The following SNX9 variants were observed in gnomAD, a reference collection of about 807,000 sequenced individuals.
SNX9 encodes sorting nexin 9, also known as sorting nexin-9.
Under a neutral mutation model 89.4 loss-of-function variants are expected in SNX9, and 44 were observed. That is an observed-to-expected ratio of 0.49 (90% CI 0.39 to 0.63). The LOEUF (loss-of-function observed/expected upper bound fraction) is 0.63, where lower values mean the gene tolerates loss of function less well. Among genes scored for constraint, SNX9 ranks in the 30% least tolerant of loss-of-function variants. The pLI is 0.00. For synonymous variants in SNX9, 236 were observed against 247.8 expected, an observed-to-expected ratio of 0.95 and a Z score of 0.45; for missense variants, 578 against 736.1, an observed-to-expected ratio of 0.79 and a Z score of 2.49.
chr6:157,905,848 G>A (rs1252193945), intron 6 of SNX9, among the ~76,000 whole-genome samples: 1 of 152,152 alleles, frequency 6.6e-6, no homozygotes, highest in Non-Finnish European at 1.5e-5. Context: ...CCTTCACTCT[G>A]GGGTGACCGA....
chr6:157,893,776 A>G (rs1391714596), intron 4 of SNX9, among the ~76,000 whole-genome samples: 4 of 152,192 alleles, frequency 2.6e-5, no homozygotes, highest in African/African-American at 9.6e-5. Context: ...GAAAATCAGT[A>G]TTTTAACTCA....
At chr6:157,922,507 G>A (rs901164045) in intron 10 of SNX9, among the ~76,000 whole-genome samples, 11 of 152,148 alleles carry the variant, frequency 7.2e-5, no homozygotes, top group African/African-American at 2.7e-4. Flanking sequence ...AACTTCGAGA[G>A]GTTTACTTGC....
intron 3 of SNX9, 68 bp downstream of exon 3, chr6:157,873,244 C>T (rs536857182): frequency 2.2e-6 from 3 of 1,335,246 alleles, no homozygotes; most frequent in Admixed American, 4.9e-5. Flanking sequence ...GAATTATCAA[C>T]TTACAAGAAG....
At chr6:157,942,646 C>T (rs148689068) in intron 17 of SNX9, 145 bp from the exon 18 acceptor site, 9 of 818,236 alleles carry the variant, frequency 1.1e-5, no homozygotes, top group East Asian at 2.7e-5. Context: ...CCAGCAGCAA[C>T]GCGGGGCAGG....
chr6:157,939,764 G>T (rs534387060), intron 16 of SNX9, among the ~76,000 whole-genome samples: 1 of 152,176 alleles, frequency 6.6e-6, no homozygotes, highest in East Asian at 1.9e-4. Flanking sequence ...TGTGTTTGAG[G>T]TTATCCAAAT....
At chr6:157,914,476 T>TG (rs764773071) in intron 9 of SNX9, among the ~76,000 whole-genome samples, 1,589 of 129,088 alleles carry the variant, frequency 0.012, 16 homozygotes, top group Non-Finnish European at 0.018. Context: ...TTTCTTTTTT[T>TG]TTTTTTTTTT....
intron 1 of SNX9, among the ~76,000 whole-genome samples, chr6:157,831,512 T>C (rs1027446867): frequency 4.6e-5 from 7 of 152,336 alleles, no homozygotes; most frequent in African/African-American, 9.6e-5. Flanking sequence ...TTTACCCTTA[T>C]GCTGAGGTCC....
chr6:157,850,976 C>CTGGGCGT (rs1470694367), intron 1 of SNX9, among the ~76,000 whole-genome samples: 1 of 152,184 alleles, frequency 6.6e-6, no homozygotes, highest in African/African-American at 2.4e-5. Flanking sequence ...AGTGATAAGG[C>CTGGGCGT]TGGGCGTGGT....
chr6:157,869,259 C>T (rs928036528), intron 2 of SNX9, among the ~76,000 whole-genome samples: 12 of 152,164 alleles, frequency 7.9e-5, no homozygotes, highest in Admixed American at 1.3e-4. Context: ...TTACACTATG[C>T]GGTCTCAGAT....
intron 1 of SNX9, among the ~76,000 whole-genome samples, chr6:157,845,840 A>G (rs923512244): frequency 1.3e-5 from 2 of 152,214 alleles, no homozygotes; most frequent in Admixed American, 1.3e-4. Flanking sequence ...TTTGAAAAGA[A>G]TTGATAGTAG....
At chr6:157,834,177 T>TTTTTGTTTG (rs1781534058) in intron 1 of SNX9, among the ~76,000 whole-genome samples, 1 of 124,618 alleles carries the variant, frequency 8.0e-6, no homozygotes, top group African/African-American at 3.2e-5. Flanking sequence ...TTTTTTTTTT[T>TTTTTGTTTG]TTTTTTTTGA....
intron 4 of SNX9, among the ~76,000 whole-genome samples, chr6:157,890,757 G>C (rs189514228): frequency 6.6e-6 from 1 of 152,330 alleles, no homozygotes; most frequent in Admixed American, 6.5e-5. Flanking sequence ...GAGCTCAGAC[G>C]AGAGTGATTG....
Position 157,942,786 on chromosome 6 carries a change from G to A in SNX9, c.1741-5G>A. The A allele has an allele frequency of 6.2e-7, 1 of 1,613,954 alleles. No individual in the cohort carries two copies. The highest frequency in any genetic ancestry group is 8.5e-7 in the Non-Finnish European group (1 of 1,179,940). ...CAACGTTGTTTTGTTTTGCTTTCTT[G>A]TCAGATTGCAGAAAAGCTGAGGCAG... On this transcript the variant is annotated splice_region_variant and splice_polypyrimidine_tract_variant and intron_variant, in intron 17 of 17. Coordinates refer to ENST00000392185, the MANE Select transcript of SNX9 (RefSeq NM_016224.5).
At chr6:157,894,419 T>C (rs1782933300) in intron 4 of SNX9, among the ~76,000 whole-genome samples, 1 of 150,390 alleles carries the variant, frequency 6.6e-6, no homozygotes, top group Admixed American at 6.6e-5. Context: ...CCCTATATTA[T>C]TTGTTTTACT....
chr6:157,827,884 T>G (rs958291169), intron 1 of SNX9, among the ~76,000 whole-genome samples: 1 of 151,108 alleles, frequency 6.6e-6, no homozygotes, highest in African/African-American at 2.4e-5. Context: ...TTTTAACTCT[T>G]CGGTTCCAAT....
chr6:157,897,234 A>G (rs893025996), intron 5 of SNX9, among the ~76,000 whole-genome samples: 1 of 151,978 alleles, frequency 6.6e-6, no homozygotes, highest in Non-Finnish European at 1.5e-5. Flanking sequence ...GGTTCCCACC[A>G]CTCCCACCTT....
At chr6:157,826,790 A>ATAATATATAAATATATTTTT (rs1562585820) in intron 1 of SNX9, among the ~76,000 whole-genome samples, 1 of 118,340 alleles carries the variant, frequency 8.5e-6, no homozygotes, top group Non-Finnish European at 1.6e-5. Context: ...ATTATATTAT[A>ATAATATATAAATATATTTTT]TATATATATT....
intron 4 of SNX9, among the ~76,000 whole-genome samples, chr6:157,890,028 A>G (rs1782824324): frequency 6.6e-6 from 1 of 152,226 alleles, no homozygotes; most frequent in Non-Finnish European, 1.5e-5. Context: ...GGTAAGTGAT[A>G]AAGCTGGGAT....
At chr6:157,894,482 A>G (rs1194214553) in intron 4 of SNX9, among the ~76,000 whole-genome samples, 1 of 151,432 alleles carries the variant, frequency 6.6e-6, no homozygotes, top group East Asian at 1.9e-4. Context: ...AAAAAAAAAA[A>G]AAAAGCTAAC....
Sources: allele counts gnomAD v4.1 joint callset (sites outside exome capture counted in the v4.1 genomes callset), GRCh38; gene constraint gnomAD v4.1.1; transcripts MANE v1.5; gene names NCBI Gene and HGNC (gene_info 2026-07-23, HGNC 2026-07-21).